Variants in DLG2 observed in about 807,000 individuals in gnomAD.
The protein encoded by DLG2 is disks large homolog 2.
Under a neutral mutation model 132.5 loss-of-function variants are expected in DLG2, and 45 were observed. The observed-to-expected ratio is 0.34, with a 90% CI of 0.27 to 0.44. DLG2 has a LOEUF of 0.44. DLG2 is among the 20% of genes least tolerant of loss of function. The pLI is 1.00. For synonymous variants in DLG2, 424 were observed against 419.6 expected (o/e 1.01, Z -0.13); for missense variants, 1,045 against 1,196.9 (o/e 0.87, Z 1.87).
intron 6 of DLG2, among the ~76,000 whole-genome samples, chr11:85,031,202 G>C (rs1489970129): frequency 6.6e-6 from 1 of 151,676 alleles, no homozygotes; most frequent in Non-Finnish European, 1.5e-5. Context: ...TTTTTCCTTT[G>C]ACCTTGAAAT....
intron 3 of DLG2, 128 bp downstream of exon 3, chr11:85,598,529 C>T (rs2079939078): frequency 4.0e-6 from 2 of 505,134 alleles, no homozygotes; most frequent in Non-Finnish European, 6.4e-6. Flanking sequence ...ACAAATCTTC[C>T]CTTCCAGTAT....
chr11:83,702,150 C>T (rs939202497), intron 18 of DLG2, among the ~76,000 whole-genome samples: 1 of 152,172 alleles, frequency 6.6e-6, no homozygotes, highest in Non-Finnish European at 1.5e-5. Context: ...TTCCCCTTAA[C>T]TTTCACTTTT....
chr11:83,635,576 T>G (rs1032226505), intron 18 of DLG2, among the ~76,000 whole-genome samples: 1 of 152,182 alleles, frequency 6.6e-6, no homozygotes, highest in African/African-American at 2.4e-5. Context: ...GTGCCGGATA[T>G]GTATGTGTGT....
chr11:83,869,678 T>A (rs572886632), intron 16 of DLG2, among the ~76,000 whole-genome samples: 92 of 152,312 alleles, frequency 6.0e-4, no homozygotes, highest in African/African-American at 1.9e-3. Flanking sequence ...TACTTCTGGA[T>A]TTGGGAGACA....
intron 2 of DLG2, among the ~76,000 whole-genome samples, chr11:85,604,986 C>T (rs1327941332): frequency 6.6e-6 from 1 of 152,000 alleles, no homozygotes; most frequent in Admixed American, 6.6e-5. Context: ...AATTACAGAA[C>T]ATACAGTGGT....
intron 9 of DLG2, among the ~76,000 whole-genome samples, chr11:84,135,353 C>T (rs2094563625): frequency 6.6e-6 from 1 of 151,960 alleles, no homozygotes; most frequent in East Asian, 1.9e-4. Flanking sequence ...TCTATTTAAT[C>T]AAATATACGT....
At chr11:84,324,164 A>G (rs1002789119) in intron 7 of DLG2, among the ~76,000 whole-genome samples, 3 of 151,866 alleles carry the variant, frequency 2.0e-5, no homozygotes, top group Non-Finnish European at 4.4e-5. Context: ...TTTTCTTTAT[A>G]TTTTTATCCA....
chr11:83,573,863 G>A (rs1202012993), intron 19 of DLG2, among the ~76,000 whole-genome samples: 2 of 152,094 alleles, frequency 1.3e-5, no homozygotes, highest in African/African-American at 2.4e-5. Flanking sequence ...ACAGTGCTTC[G>A]AGGCAGTATA....
intron 4 of DLG2, among the ~76,000 whole-genome samples, chr11:85,205,776 A>G (rs1424891194): frequency 6.6e-6 from 1 of 152,210 alleles, no homozygotes; most frequent in Non-Finnish European, 1.5e-5. Context: ...TAGCAAAGAA[A>G]GAGATCAGAG....
intron 4 of DLG2, among the ~76,000 whole-genome samples, chr11:85,262,277 G>C (rs1161166621): frequency 6.6e-6 from 1 of 152,154 alleles, no homozygotes; most frequent in Non-Finnish European, 1.5e-5. Flanking sequence ...AGCACTGACT[G>C]AGTGGTTAAA....
intron 7 of DLG2, among the ~76,000 whole-genome samples, chr11:84,531,359 A>G (rs1437451276): frequency 6.6e-6 from 1 of 152,142 alleles, no homozygotes; most frequent in Non-Finnish European, 1.5e-5. Flanking sequence ...AGGATTGAAA[A>G]ACTACCTATT....
At chr11:84,035,576 GGAA>G (rs965901600) in intron 11 of DLG2, among the ~76,000 whole-genome samples, 1 of 152,176 alleles carries the variant, frequency 6.6e-6, no homozygotes, top group African/African-American at 2.4e-5. Flanking sequence ...GGAAATTGAT[GGAA>G]GATGAAGCCA....
intron 7 of DLG2, among the ~76,000 whole-genome samples, chr11:84,293,312 C>G (rs1198242809): frequency 6.7e-6 from 1 of 149,230 alleles, no homozygotes; most frequent in African/African-American, 2.4e-5. Context: ...TTTATCTCAA[C>G]TTTTTTTTTT....
At chr11:83,932,080 T>C (rs955670738) in intron 14 of DLG2, among the ~76,000 whole-genome samples, 1 of 152,144 alleles carries the variant, frequency 6.6e-6, no homozygotes, top group Non-Finnish European at 1.5e-5. Context: ...AGAAGATGAG[T>C]AGATGAAAGT....
intron 6 of DLG2, among the ~76,000 whole-genome samples, chr11:85,016,095 A>G (rs2059554246): frequency 6.6e-6 from 1 of 152,154 alleles, no homozygotes; most frequent in South Asian, 2.1e-4. Flanking sequence ...TCAAATCCCC[A>G]TGTTGCTCCT....
intron 6 of DLG2, among the ~76,000 whole-genome samples, chr11:84,857,422 T>C (rs993516654): frequency 4.6e-5 from 7 of 151,766 alleles, no homozygotes; most frequent in South Asian, 4.2e-4. Context: ...GAAGAAGTAG[T>C]ATTGATTTTT....
At chr11:84,376,821 C>T (rs2098731242) in intron 7 of DLG2, among the ~76,000 whole-genome samples, 1 of 151,892 alleles carries the variant, frequency 6.6e-6, no homozygotes, top group Non-Finnish European at 1.5e-5. Flanking sequence ...ACAAACTGAG[C>T]ATCAGAGTCA....
At chr11:84,357,413 C>A (rs955981443) in intron 7 of DLG2, among the ~76,000 whole-genome samples, 3 of 152,026 alleles carry the variant, frequency 2.0e-5, no homozygotes, top group Non-Finnish European at 4.4e-5. Flanking sequence ...CCTCGCTGAC[C>A]AGGTCATACC....
chr11:84,601,442 A>G (rs1428790708), intron 6 of DLG2, among the ~76,000 whole-genome samples: 2 of 152,122 alleles, frequency 1.3e-5, no homozygotes, highest in Non-Finnish European at 2.9e-5. Flanking sequence ...TAATCCAACA[A>G]TCATTTCATC....
Sources: allele counts gnomAD v4.1 joint callset (sites outside exome capture counted in the v4.1 genomes callset), GRCh38; gene constraint gnomAD v4.1.1; transcripts MANE v1.5; gene names NCBI Gene and HGNC (gene_info 2026-07-23, HGNC 2026-07-21).